ECT2L: variants seen among roughly 807,000 people sequenced by gnomAD.
ECT2L encodes the protein epithelial cell-transforming sequence 2 oncogene-like.
ECT2L carries 126 observed loss-of-function variants against 122.8 expected under a neutral mutation model. The ratio of observed to expected loss-of-function variants is 1.03; its 90% CI spans 0.89 to 1.19. The LOEUF (loss-of-function observed/expected upper bound fraction) is 1.19, where lower values mean the gene tolerates loss of function less well. Among genes scored for constraint, ECT2L ranks in the 50% most tolerant of loss-of-function variants. ECT2L has a pLI of 0.00. For missense variants in ECT2L, 1,012 were observed against 1,064.1 expected (o/e 0.95, Z 0.68); for synonymous variants, 385 against 381.8 (o/e 1.01, Z -0.10).
intron 1 of ECT2L, among the ~76,000 whole-genome samples, chr6:138,798,830 C>T (rs533200431): frequency 1.2e-4 from 19 of 152,206 alleles, no homozygotes; most frequent in Non-Finnish European, 2.5e-4. Flanking sequence ...GAAAACCTAA[C>T]TTAGGAGTAT....
chr6:138,890,029 ATGAC>A (rs984251685), intron 20 of ECT2L, among the ~76,000 whole-genome samples: 7 of 152,220 alleles, frequency 4.6e-5, no homozygotes, highest in African/African-American at 1.7e-4. Context: ...ATGAACAAAC[ATGAC>A]TATGTTCCAA....
Position 138,900,960 on chromosome 6 carries a change from C to T in ECT2L, c.2427C>T (p.His809=). The change falls in exon 21 of 22, where the codon CAC becomes CAT. Residue 809 remains histidine, a synonymous_variant. Transcript: ENST00000541398. ...CATTTTAACACAGGCTCTATGAACACATCCATGATCTCAGCCTTTTCCTCT... is the reference window on the plus strand; with the variant it reads ...CATTTTAACACAGGCTCTATGAACATATCCATGATCTCAGCCTTTTCCTCT... ...EISFSLRLYE[H]IHDLSLFLFN... 6.2e-7 allele frequency: 1 copy of T among 1,613,882 alleles called. No homozygotes were observed. Among genetic ancestry groups the T allele is most frequent in the Non-Finnish European group, 8.5e-7 (1 of 1,179,916 alleles).
intron 1 of ECT2L, among the ~76,000 whole-genome samples, chr6:138,803,824 A>G (rs1018963781): frequency 1.3e-5 from 2 of 152,224 alleles, no homozygotes; most frequent in African/African-American, 4.8e-5. Flanking sequence ...CCTTTCTAAT[A>G]TATTCATTGA....
chr6:138,874,215 G>A (rs1379759293), intron 13 of ECT2L, among the ~76,000 whole-genome samples: 1 of 151,968 alleles, frequency 6.6e-6, no homozygotes, highest in East Asian at 1.9e-4. Flanking sequence ...TTCCTAACAT[G>A]TTCTTTGTGA....
chr6:138,821,785 T>G (rs1410111906), intron 4 of ECT2L, among the ~76,000 whole-genome samples: 2 of 152,212 alleles, frequency 1.3e-5, no homozygotes, highest in Non-Finnish European at 2.9e-5. Context: ...CAGTTTATAT[T>G]CTAGTAGAAT....
At chr6:138,864,937 T>C (rs1730387) in intron 11 of ECT2L, 59 bp from the exon 12 acceptor site, 878,497 of 1,489,218 alleles carry the variant, frequency 0.59, 264,776 homozygotes, top group Admixed American at 0.69. Flanking sequence ...TTAAACAAGA[T>C]GTAGAATTGT....
rs540731065 is a variant in ECT2L at position 138,888,746 on chromosome 6, TTAAA to T, written c.2326-194_2326-191del. Reference sequence around the variant, plus strand: ...TTTGACAAAGATTACTTTTTTCCCCTTAAATATAGTTTTCTTTGTCAATACTGTG... The same window carrying T: ...TTTGACAAAGATTACTTTTTTCCCCTTATAGTTTTCTTTGTCAATACTGTG... On this transcript the variant is annotated intron_variant, in intron 19 of 21. Transcript: ENST00000541398. Among the ~76,000 whole-genome samples the T allele has an allele frequency of 7.5e-3, 1,149 of 152,318 alleles. 9 individuals are homozygous for T. The highest frequency in any genetic ancestry group is 0.013 in the Non-Finnish European group (894 of 68,018).
At chr6:138,837,282 A>C (rs773505512) in intron 4 of ECT2L, among the ~76,000 whole-genome samples, 2 of 152,122 alleles carry the variant, frequency 1.3e-5, no homozygotes, top group Non-Finnish European at 2.9e-5. Context: ...CATAATCTTC[A>C]TATTTTTCCC....
At chr6:138,866,885 C>A (rs1275469782) in intron 12 of ECT2L, among the ~76,000 whole-genome samples, 2 of 151,698 alleles carry the variant, frequency 1.3e-5, no homozygotes, top group Non-Finnish European at 2.9e-5. Context: ...CCAGCCTGGG[C>A]AACATGGCAA....
chr6:138,800,601 A>G (rs557893918), intron 1 of ECT2L, among the ~76,000 whole-genome samples: 5 of 152,246 alleles, frequency 3.3e-5, no homozygotes, highest in Non-Finnish European at 7.3e-5. Flanking sequence ...TTATTTTACC[A>G]TATGACTCAT....
intron 1 of ECT2L, among the ~76,000 whole-genome samples, chr6:138,800,266 A>T (rs1029673103): frequency 6.6e-6 from 1 of 152,226 alleles, no homozygotes; most frequent in African/African-American, 2.4e-5. Flanking sequence ...CAGTAGAGAC[A>T]TGCCACTTTG....
At position 138,901,112 on chromosome 6, in the gene ECT2L, A is replaced by AT; in HGVS notation, c.2581dup (p.Ser861PhefsTer16). ...CGGTTACTCATAGAAAATATTCCAG[A>AT]TTCCAAGTGTATGTATTCTTTTCCT... is the stretch of plus-strand genomic sequence containing the variant. On this transcript the variant is annotated frameshift_variant, in exon 21 of 22. Transcript: ENST00000541398. LOFTEE classifies it high-confidence loss of function. The AT allele has an allele frequency of 6.2e-7, 1 of 1,613,978 alleles. No homozygotes were observed. The highest frequency in any genetic ancestry group is 8.5e-7 in the Non-Finnish European group (1 of 1,179,894).
At chr6:138,802,510 T>C (rs191775081) in intron 1 of ECT2L, among the ~76,000 whole-genome samples, 304 of 152,336 alleles carry the variant, frequency 2.0e-3, no homozygotes, top group African/African-American at 7.1e-3. Context: ...GATATTATTT[T>C]CCCCTTTTGA....
At chr6:138,817,269 GT>G (rs1332256057) in intron 4 of ECT2L, among the ~76,000 whole-genome samples, 1 of 152,154 alleles carries the variant, frequency 6.6e-6, no homozygotes, top group Non-Finnish European at 1.5e-5. Flanking sequence ...GCATAGAGAT[GT>G]TTTATTTCTC....
chr6:138,821,390 G>A (rs1016977040), intron 4 of ECT2L, among the ~76,000 whole-genome samples: 3 of 152,014 alleles, frequency 2.0e-5, no homozygotes, highest in African/African-American at 7.3e-5. Context: ...CTGCGCCTCT[G>A]TTCTGCCTCT....
chr6:138,806,828 C>T (rs138343926), intron 1 of ECT2L, among the ~76,000 whole-genome samples: 33 of 151,788 alleles, frequency 2.2e-4, no homozygotes, highest in African/African-American at 6.8e-4. Flanking sequence ...TAGCTTTTGA[C>T]CTCCCCAAAA....
intron 6 of ECT2L, 41 bp downstream of exon 6, chr6:138,843,272 G>A (rs1400518460): frequency 1.9e-5 from 28 of 1,500,792 alleles, no homozygotes; most frequent in Non-Finnish European, 2.4e-5. Context: ...GGTAAATATT[G>A]TAGACACAAA....
intron 12 of ECT2L, 48 bp from the exon 13 acceptor site, chr6:138,868,055 C>T (rs765727833): frequency 2.1e-6 from 2 of 959,674 alleles, no homozygotes; most frequent in South Asian, 1.6e-5. Flanking sequence ...TTTTAAATCA[C>T]ATTTCTTACA....
At chr6:138,844,696 T>C (rs1777161468) in intron 7 of ECT2L, 116 bp downstream of exon 7, 2 of 913,292 alleles carry the variant, frequency 2.2e-6, no homozygotes, top group Non-Finnish European at 3.3e-6. Flanking sequence ...TCATATCCTA[T>C]GAAATATCAG....
Sources: gnomAD v4.1 joint callset for allele counts (sites outside exome capture counted in the v4.1 genomes callset) on GRCh38, gnomAD v4.1.1 for gene constraint, MANE v1.5 for transcripts, NCBI Gene and HGNC (gene_info 2026-07-23, HGNC 2026-07-21) for gene names.